Variants in C11orf54 observed in about 807,000 individuals in gnomAD.
C11orf54 encodes the protein beta-keto-L-gulonate decarboxylase.
A neutral mutation model predicts 35.5 loss-of-function variants in C11orf54; 29 were observed. The ratio of observed to expected loss-of-function variants is 0.82; its 90% confidence interval spans 0.61 to 1.11. The LOEUF is 1.11. Ranked by LOEUF, C11orf54 falls within the 50% of genes most tolerant of loss-of-function variation. The pLI is 0.00. For synonymous variants in C11orf54, 108 were observed against 121.1 expected (o/e 0.89, Z 0.71); for missense variants, 373 against 369.2 (o/e 1.01, Z -0.08).
At position 93,741,680 on chromosome 11, in the gene C11orf54, C is replaced by T. The variant is rs937455757; in HGVS notation, c.-146C>T. On this transcript the variant is annotated 5_prime_UTR_variant, in exon 1 of 9. Coordinates refer to ENST00000354421, the MANE Select transcript of C11orf54 (RefSeq NM_001286069.2). ...GCGTATTCTGAGGAGGCGGGGTTGG[C>T]CTAGGCGAAGATCCGGACTCTGGGT... 3.6e-5 allele frequency: 13 copies of T among 357,386 alleles called. No homozygotes were observed. Among genetic ancestry groups the T allele is most frequent in the Non-Finnish European group, 5.5e-5 (10 of 181,106 alleles). 22.1% of individuals were successfully genotyped at this position (357,386 alleles called of 1,614,324 possible).
intron 1 of C11orf54, among the ~76,000 whole-genome samples, chr11:93,743,450 C>T (rs1942265695): frequency 6.6e-6 from 1 of 152,212 alleles, no homozygotes; most frequent in African/African-American, 2.4e-5. Flanking sequence ...CTCTCAACTC[C>T]TCGCGGGAGG....
intron 8 of C11orf54, among the ~76,000 whole-genome samples, chr11:93,760,906 G>A (rs548907123): frequency 1.3e-5 from 2 of 152,102 alleles, no homozygotes; most frequent in African/African-American, 2.4e-5. Flanking sequence ...TGATCCGCCC[G>A]CCTCAGCCTC....
intron 7 of C11orf54, among the ~76,000 whole-genome samples, chr11:93,758,698 G>C (rs1032979383): frequency 6.6e-6 from 1 of 152,248 alleles, no homozygotes; most frequent in Non-Finnish European, 1.5e-5. Flanking sequence ...TCTGGATTTG[G>C]GGCGCTGACA....
At chr11:93,754,161 C>A in intron 5 of C11orf54, 124 bp downstream of exon 5, 1 of 774,180 alleles carries the variant, frequency 1.3e-6, no homozygotes. Flanking sequence ...TTTGATACTA[C>A]TTGATGTAGA....
rs1441748641 is a variant in C11orf54, at chr11:93,763,914, G to C, written c.*2226G>C. On this transcript the variant is annotated 3_prime_UTR_variant, in exon 9 of 9. Coordinates refer to ENST00000354421, the MANE Select transcript of C11orf54 (RefSeq NM_001286069.2). ...CTGACTTGGAGTTTTTTGGTGGTTA[G>C]GGAGTAGGGCCAGAGTGATGTTTCT... The C allele has an allele frequency of 6.6e-6, 1 of 152,260 alleles. No individual in the cohort carries two copies. Among genetic ancestry groups the C allele is most frequent in the African/African-American group, 2.4e-5 (1 of 41,454 alleles). The allele number at this position is 152,260 out of a possible 1,614,324, so 9.4% of individuals were successfully genotyped here.
intron 5 of C11orf54, among the ~76,000 whole-genome samples, chr11:93,754,384 AG>A (rs1352603806): frequency 1.3e-5 from 2 of 152,238 alleles, no homozygotes; most frequent in African/African-American, 4.8e-5. Flanking sequence ...GCTTTGGATT[AG>A]AAGATGAATG....
rs891251390 is a variant in C11orf54 at position 93,763,136 on chromosome 11, T to G, written c.*1448T>G. On this transcript the variant is annotated 3_prime_UTR_variant, in exon 9 of 9. Transcript: ENST00000354421. ...CAAAATAATATTAATAGTCTATCAT[T>G]TAACAAATATGTATTGAACACCTAC... is the stretch of plus-strand genomic sequence containing the variant. The G allele has an allele frequency of 2.0e-5, 3 of 152,178 alleles. No individual in the cohort carries two copies. The highest frequency in any genetic ancestry group is 4.4e-5 in the Non-Finnish European group (3 of 68,030). The allele number at this position is 152,178 out of a possible 1,614,324, so 9.4% of individuals were successfully genotyped here. A position where few individuals can be genotyped will look rare whatever the true frequency, so the allele number is the denominator to read the frequency against.
At position 93,764,321 on chromosome 11, in the gene C11orf54, A is replaced by G. The variant is rs993149571; in HGVS notation, c.*2633A>G. The G allele has an allele frequency of 6.6e-6, 1 of 152,268 alleles. No homozygotes were observed. Among genetic ancestry groups the G allele is most frequent in the African/African-American group, 2.4e-5 (1 of 41,452 alleles). The allele number at this position is 152,268 out of a possible 1,614,324, so 9.4% of individuals were successfully genotyped here. A position where few individuals can be genotyped will look rare whatever the true frequency, so the allele number is the denominator to read the frequency against. ...GCAGTCCTGGGCCTCTTCACACTACAGATACCAACACTGCCTTTACTCTTC... is the reference window on the plus strand; with the variant it reads ...GCAGTCCTGGGCCTCTTCACACTACGGATACCAACACTGCCTTTACTCTTC... On this transcript the variant is annotated 3_prime_UTR_variant, in exon 9 of 9. Transcript: ENST00000354421.
At position 93,757,336 on chromosome 11, in the gene C11orf54, A is replaced by G. The variant is rs1358620727; in HGVS notation, c.528A>G (p.Lys176=). Residue 176 remains lysine (K), a synonymous_variant, in exon 7 of 9, where the codon AAA becomes AAG. Transcript: ENST00000354421. The part of the protein sequence containing the change: ...QPGKVIEVKA[K]RRTGPLNFVT... ...TATAGGTAATTGAGGTGAAAGCCAA[A>G]AGAAGAACTGGACCACTTAACTTTG... The G allele has an allele frequency of 1.3e-6, 2 of 1,598,054 alleles. No homozygotes were observed. Among genetic ancestry groups the G allele is most frequent in the Admixed American group, 3.3e-5 (2 of 59,968 alleles).
intron 2 of C11orf54, among the ~76,000 whole-genome samples, chr11:93,749,726 C>T (rs1437560818): frequency 6.6e-6 from 1 of 152,142 alleles, no homozygotes; most frequent in African/African-American, 2.4e-5. Context: ...TGCTTTTTTA[C>T]ATTGTTACTG....
At chr11:93,744,966 C>T (rs1480145067) in intron 1 of C11orf54, among the ~76,000 whole-genome samples, 4 of 152,144 alleles carry the variant, frequency 2.6e-5, no homozygotes, top group Admixed American at 1.3e-4. Context: ...GTAAAGAAAT[C>T]TGCGTCATAA....
rs535780449 is a variant in C11orf54, at chr11:93,760,910, C to T, written c.775-605C>T. 1.2e-3 allele frequency among the ~76,000 whole-genome samples: 185 copies of T among 152,274 alleles called. 4 individuals are homozygous for T. The South Asian group carries it at 0.037, about 30-fold the overall frequency. ...CTGACCTCAAGTGATCCGCCCGCCT[C>T]AGCCTCCCAAAGTGGTGGGATTACA... is the stretch of plus-strand genomic sequence containing the variant. On this transcript the variant is annotated intron_variant, in intron 8 of 8. Coordinates refer to ENST00000354421, the MANE Select transcript of C11orf54 (RefSeq NM_001286069.2).
At chr11:93,747,728 T>C (rs990119157) in intron 2 of C11orf54, among the ~76,000 whole-genome samples, 3 of 152,190 alleles carry the variant, frequency 2.0e-5, no homozygotes, top group Non-Finnish European at 4.4e-5. Flanking sequence ...TTACAAGATG[T>C]AAATGATTAG....
chr11:93,752,814 T>C (rs1053056195), intron 3 of C11orf54, among the ~76,000 whole-genome samples: 1 of 145,398 alleles, frequency 6.9e-6, no homozygotes, highest in Non-Finnish European at 1.5e-5. Context: ...AGTGGCGCGA[T>C]CTCGGCTCAC....
Position 93,764,497 on chromosome 11 carries a change from GT to G in C11orf54, c.*2811del, listed in dbSNP as rs1943579540. On this transcript the variant is annotated 3_prime_UTR_variant, in exon 9 of 9. Transcript: ENST00000354421. ...TACATTTCTTACGTTAGGGATTTCA[GT>G]TCAAAATTGTATTGCTGATAGACAC... 6.6e-6 allele frequency: 1 copy of G among 152,142 alleles called. No individual in the cohort carries two copies. 9.4% of individuals were successfully genotyped at this position (152,142 alleles called of 1,614,324 possible).
intron 1 of C11orf54, among the ~76,000 whole-genome samples, chr11:93,744,162 C>T (rs915683078): frequency 9.2e-5 from 14 of 152,150 alleles, no homozygotes; most frequent in African/African-American, 3.4e-4. Flanking sequence ...TAGAGTAGAA[C>T]GCACAAGTGT....
chr11:93,743,009 T>G (rs1240441570), intron 1 of C11orf54: 1 of 152,142 alleles, frequency 6.6e-6, no homozygotes, highest in African/African-American at 2.4e-5. Flanking sequence ...TTTTTCTTTT[T>G]TTTTTTAGAA....
chr11:93,760,659 C>T (rs606749), intron 8 of C11orf54, among the ~76,000 whole-genome samples: 84,188 of 151,848 alleles, frequency 0.55, 24,747 homozygotes, highest in Admixed American at 0.69. Context: ...GTCATATCTT[C>T]TCTTTTTTTT....
chr11:93,744,230 C>T (rs1243872943), intron 1 of C11orf54, among the ~76,000 whole-genome samples: 2 of 152,184 alleles, frequency 1.3e-5, no homozygotes, highest in Non-Finnish European at 2.9e-5. Context: ...CATTTAAGCA[C>T]TTATCCACTA....
Sources: gnomAD v4.1 joint callset for allele counts (sites outside exome capture counted in the v4.1 genomes callset) on GRCh38, gnomAD v4.1.1 for gene constraint, MANE v1.5 for transcripts, NCBI Gene and HGNC (gene_info 2026-07-23, HGNC 2026-07-21) for gene names.